PTPN2: variants seen among roughly 807,000 people sequenced by gnomAD.
The protein encoded by PTPN2 is protein tyrosine phosphatase non-receptor type 2, also known as tyrosine-protein phosphatase non-receptor type 2.
A neutral mutation model predicts 57.3 loss-of-function variants in PTPN2; 19 were observed. That is an observed-to-expected ratio of 0.33 (90% CI 0.23 to 0.49). PTPN2 has a LOEUF of 0.49. Ranked by LOEUF, PTPN2 falls within the 20% of genes least tolerant of loss-of-function variation. PTPN2 has a pLI of 0.99. For synonymous variants in PTPN2, 153 were observed against 164.9 expected (o/e 0.93, Z 0.55); for missense variants, 358 against 501.1 (o/e 0.71, Z 2.73).
intron 1 of PTPN2, chr18:12,883,733 G>T (rs1323280672): frequency 4.7e-6 from 1 of 214,452 alleles, no homozygotes; most frequent in Non-Finnish European, 9.3e-6. Context: ...GCGCCCCCAC[G>T]GCTTTCCCAA....
chr18:12,814,226 T>C lies in PTPN2; in HGVS notation c.835A>G (p.Ile279Val), dbSNP rs201489635. Residue 279 changes from isoleucine (I) to valine (V), a missense_variant, in exon 7 of 9, where the codon ATA (isoleucine) becomes GTA (valine). Physicochemically the swap from Ile to Val is conservative, Grantham distance 29. Transcript: ENST00000309660. The stretch of plus-strand genomic sequence containing the variant: ...ACCTGTATACTAGAATCTCCCTTTA[T>C]ACATTTTGCTCCTTCTATTATAGCC... ...YMAIIEGAKCIKGDSSIQKRW... is the reference protein window; with the variant it reads ...YMAIIEGAKCVKGDSSIQKRW... 8 of 1,598,262 alleles carry C rather than the reference T, an allele frequency of 5.0e-6. No homozygotes were observed. The highest frequency in any genetic ancestry group is 6.8e-6 in the Non-Finnish European group (8 of 1,169,292).
intron 2 of PTPN2, chr18:12,841,069 T>C (rs2043027881): frequency 8.6e-7 from 1 of 1,168,846 alleles, no homozygotes; most frequent in African/African-American, 1.6e-5. Flanking sequence ...AAAAAAGAAA[T>C]TATATTAAGC....
intron 8 of PTPN2, among the ~76,000 whole-genome samples, chr18:12,796,457 T>C (rs2145227371): frequency 6.6e-6 from 1 of 152,360 alleles, no homozygotes; most frequent in African/African-American, 2.4e-5. Flanking sequence ...AATTGAACTA[T>C]GTATTAGAAT....
At chr18:12,836,421 C>T (rs1396315394) in intron 3 of PTPN2, among the ~76,000 whole-genome samples, 1 of 152,210 alleles carries the variant, frequency 6.6e-6, no homozygotes, top group Non-Finnish European at 1.5e-5. Flanking sequence ...GGGGGAGCTA[C>T]AGAAGAGCTG....
At chr18:12,794,867 C>A (rs2041110541) in intron 8 of PTPN2, among the ~76,000 whole-genome samples, 1 of 152,160 alleles carries the variant, frequency 6.6e-6, no homozygotes, top group African/African-American at 2.4e-5. Context: ...AAGCAATTCA[C>A]CCGCCTTGGC....
At chr18:12,877,979 G>A (rs1312790106) in intron 1 of PTPN2, among the ~76,000 whole-genome samples, 1 of 151,760 alleles carries the variant, frequency 6.6e-6, no homozygotes, top group East Asian at 1.9e-4. Flanking sequence ...GCAGCGAGCC[G>A]AGATGACGCC....
At chr18:12,883,463 A>C (rs2044735359) in intron 1 of PTPN2, among the ~76,000 whole-genome samples, 1 of 152,044 alleles carries the variant, frequency 6.6e-6, no homozygotes, top group South Asian at 2.1e-4. Context: ...CCGCCAGGAG[A>C]GCGAGCTTCG....
chr18:12,819,094 C>CAA (rs34910954), intron 5 of PTPN2: 4,635 of 269,588 alleles, frequency 0.017, 25 homozygotes, highest in Admixed American at 0.062. Context: ...AACTCCATCT[C>CAA]AAAAAAAAAA....
intron 9 of PTPN2, chr18:12,785,961 C>T (rs1032306629): frequency 1.2e-6 from 1 of 848,756 alleles, no homozygotes; most frequent in Non-Finnish European, 1.9e-6. Flanking sequence ...GACCAAAAAT[C>T]ATTCCCACAT....
At chr18:12,862,560 G>A in intron 1 of PTPN2, 1 of 146,310 alleles carries the variant, frequency 6.8e-6, no homozygotes. Flanking sequence ...TCCTGTGACA[G>A]TCTGGCCAAT....
chr18:12,809,591 T>C (rs1257109386), intron 7 of PTPN2, among the ~76,000 whole-genome samples: 1 of 152,210 alleles, frequency 6.6e-6, no homozygotes, highest in Non-Finnish European at 1.5e-5. Flanking sequence ...TGGACAGGGA[T>C]GGCCTTCTTT....
At chr18:12,883,918 C>A in intron 1 of PTPN2, 155 bp downstream of exon 1, 1 of 560,914 alleles carries the variant, frequency 1.8e-6, no homozygotes, top group South Asian at 2.2e-5. Flanking sequence ...GAGCGGTCAG[C>A]GCAGGCGCGC....
intron 4 of PTPN2, among the ~76,000 whole-genome samples, chr18:12,827,342 CAAAAAA>C (rs200266093): frequency 1.5e-5 from 2 of 136,666 alleles, no homozygotes; most frequent in Admixed American, 7.1e-5. Context: ...GACTCCGTCT[CAAAAAA>C]AAAAAAAAAT....
At chr18:12,806,558 T>C (rs965966860) in intron 7 of PTPN2, among the ~76,000 whole-genome samples, 2 of 152,100 alleles carry the variant, frequency 1.3e-5, no homozygotes, top group Non-Finnish European at 2.9e-5. Context: ...TACAAAGCTA[T>C]AGTAACCAAA....
chr18:12,857,354 A>C (rs2043628757), intron 2 of PTPN2, among the ~76,000 whole-genome samples: 1 of 152,136 alleles, frequency 6.6e-6, no homozygotes, highest in Admixed American at 6.5e-5. Context: ...AAATGAGTGC[A>C]TGTAAAACTG....
Position 12,830,215 on chromosome 18 carries a change from T to C in PTPN2, c.360+728A>G, listed in dbSNP as rs147299183. Among the ~76,000 whole-genome samples the C allele has an allele frequency of 2.9e-4, 44 of 152,130 alleles. 1 individual carries two copies. The highest frequency in any genetic ancestry group is 9.6e-4 in the African/African-American group (40 of 41,496). On this transcript the variant is annotated intron_variant, in intron 4 of 8. Coordinates refer to ENST00000309660, the MANE Select transcript of PTPN2 (RefSeq NM_002828.4). ...TCCAGGTTGAGGTGCAGTGGCACAA[T>C]CTCGGCTCACTGCAACCTCCACCTC...
intron 1 of PTPN2, among the ~76,000 whole-genome samples, chr18:12,877,978 C>T (rs1001607244): frequency 3.3e-5 from 5 of 151,136 alleles, no homozygotes; most frequent in Non-Finnish European, 5.9e-5. Context: ...TGCAGCGAGC[C>T]GAGATGACGC....
intron 1 of PTPN2, among the ~76,000 whole-genome samples, chr18:12,867,556 G>C (rs976337693): frequency 2.6e-5 from 4 of 151,996 alleles, no homozygotes; most frequent in African/African-American, 9.7e-5. Flanking sequence ...ATACATTATA[G>C]ATATGTGCCA....
At chr18:12,838,096 C>G (rs2042928202) in intron 2 of PTPN2, among the ~76,000 whole-genome samples, 1 of 152,084 alleles carries the variant, frequency 6.6e-6, no homozygotes, top group African/African-American at 2.4e-5. Flanking sequence ...GACCACATAT[C>G]TCCTAGACAA....
Sources: gnomAD v4.1 joint callset for allele counts (sites outside exome capture counted in the v4.1 genomes callset) on GRCh38, gnomAD v4.1.1 for gene constraint, MANE v1.5 for transcripts, NCBI Gene and HGNC (gene_info 2026-07-23, HGNC 2026-07-21) for gene names.